The following NXPE2 variants were observed in gnomAD, a reference collection of about 807,000 sequenced individuals.
The protein encoded by NXPE2 is neurexophilin and PC-esterase domain family member 2, also known as NXPE family member 2.
A neutral mutation model predicts 34.4 loss-of-function variants in NXPE2; 34 were observed. The ratio of observed to expected loss-of-function variants is 0.99; its 90% CI spans 0.75 to 1.31. NXPE2 has a LOEUF of 1.31. NXPE2 is among the 40% of genes most tolerant of loss of function. The pLI, the probability that NXPE2 is intolerant of heterozygous loss-of-function variation, is 0.00. For synonymous variants in NXPE2, 235 were observed against 231.3 expected, an observed-to-expected ratio of 1.02 and a Z score of -0.15; for missense variants, 649 against 672.5, an observed-to-expected ratio of 0.97 and a Z score of 0.39.
At chr11:114,502,972 G>C in the NXPE2 span, among the ~76,000 whole-genome samples, 1 of 152,196 alleles carries the variant, frequency 6.6e-6, no homozygotes. Context: ...AGTCACAGTG[G>C]AGAAATGTGT....
At chr11:114,527,570 CACAGTGCCTAAG>C in the NXPE2 span, among the ~76,000 whole-genome samples, 127 of 152,300 alleles carry the variant, frequency 8.3e-4, no homozygotes, top group African/African-American at 2.9e-3. Context: ...AAGACATTTG[CACAGTGCCTAAG>C]ACTCTAGGAG....
At chr11:114,530,867 C>T in the NXPE2 span, 1 of 1,613,258 alleles carries the variant, frequency 6.2e-7, no homozygotes, top group East Asian at 2.2e-5. Flanking sequence ...CGGAGTTGTT[C>T]CAGTAATGGA....
At chr11:114,773,156 T>C in the NXPE2 span, among the ~76,000 whole-genome samples, 74 of 152,178 alleles carry the variant, frequency 4.9e-4, no homozygotes, top group African/African-American at 1.7e-3. Flanking sequence ...AGCATGCTCC[T>C]ACCAAAGAGG....
the NXPE2 span, among the ~76,000 whole-genome samples, chr11:114,487,500 C>T: frequency 0.13 from 20,496 of 152,104 alleles, 1,525 homozygotes; most frequent in South Asian, 0.23. Flanking sequence ...AGTTTGGATG[C>T]CTTTTATTTG....
chr11:114,728,722 G>T, the NXPE2 span, among the ~76,000 whole-genome samples: 1 of 152,020 alleles, frequency 6.6e-6, no homozygotes, highest in South Asian at 2.1e-4. Context: ...CTCTGCCTTT[G>T]TATATAAAAA....
the NXPE2 span, among the ~76,000 whole-genome samples, chr11:114,645,047 A>G: frequency 1.6e-4 from 24 of 152,132 alleles, 1 homozygote; most frequent in African/African-American, 4.3e-4. Flanking sequence ...TATGCCTGTA[A>G]TCTCAGCACT....
chr11:114,680,422 A>G (rs1619235), intron 2 of NXPE2, among the ~76,000 whole-genome samples: 48,695 of 151,928 alleles, frequency 0.32, 8,128 homozygotes, highest in East Asian at 0.41. Context: ...AACAAGAAGC[A>G]CCACAGTCTA....
chr11:114,480,376 T>C, the NXPE2 span, among the ~76,000 whole-genome samples: 1 of 152,220 alleles, frequency 6.6e-6, no homozygotes, highest in Admixed American at 6.5e-5. Context: ...GATTTCTTTC[T>C]AGGATAGATA....
At chr11:114,542,979 G>A in the NXPE2 span, among the ~76,000 whole-genome samples, 6 of 152,172 alleles carry the variant, frequency 3.9e-5, no homozygotes, top group East Asian at 9.6e-4. Context: ...TTCAGGTCAG[G>A]TAAAGTGGCT....
chr11:114,498,665 A>G, the NXPE2 span, among the ~76,000 whole-genome samples: 3,010 of 152,110 alleles, frequency 0.02, 99 homozygotes, highest in African/African-American at 0.067. Context: ...ATTTTCAGGC[A>G]GCTTTTGTAT....
chr11:114,602,468 A>G, the NXPE2 span, among the ~76,000 whole-genome samples: 6 of 135,566 alleles, frequency 4.4e-5, no homozygotes, highest in African/African-American at 1.1e-4. Context: ...TAATATATAA[A>G]TTATAGATTA....
At chr11:114,604,518 T>C in the NXPE2 span, among the ~76,000 whole-genome samples, 1 of 152,058 alleles carries the variant, frequency 6.6e-6, no homozygotes, top group South Asian at 2.1e-4. Context: ...GTAACCACTG[T>C]TACCTGGTAA....
At chr11:114,702,597 A>C (rs1451306562) in intron 3 of NXPE2, among the ~76,000 whole-genome samples, 1 of 152,218 alleles carries the variant, frequency 6.6e-6, no homozygotes, top group Non-Finnish European at 1.5e-5. Flanking sequence ...TCCTCAGTAA[A>C]ATACTCTGGA....
At chr11:114,716,086 C>T in the NXPE2 span, among the ~76,000 whole-genome samples, 1 of 152,186 alleles carries the variant, frequency 6.6e-6, no homozygotes, top group East Asian at 1.9e-4. Flanking sequence ...TCTATTTCCC[C>T]ACTGTCAAGC....
At chr11:114,471,822 C>A in the NXPE2 span, among the ~76,000 whole-genome samples, 1 of 152,144 alleles carries the variant, frequency 6.6e-6, no homozygotes, top group East Asian at 1.9e-4. Context: ...GGGCATGATG[C>A]CTTTGAGGAA....
At chr11:114,614,604 C>T in the NXPE2 span, among the ~76,000 whole-genome samples, 280 of 151,980 alleles carry the variant, frequency 1.8e-3, 4 homozygotes, top group Non-Finnish European at 3.0e-3. Context: ...AGCGTTGCCT[C>T]GTGGGTAACC....
At chr11:114,765,646 T>A in the NXPE2 span, among the ~76,000 whole-genome samples, 2 of 152,230 alleles carry the variant, frequency 1.3e-5, no homozygotes, top group Non-Finnish European at 2.9e-5. Context: ...CCTTGATCTC[T>A]GCAGTATGGC....
the NXPE2 span, among the ~76,000 whole-genome samples, chr11:114,500,625 T>A: frequency 6.6e-6 from 1 of 152,120 alleles, no homozygotes; most frequent in Non-Finnish European, 1.5e-5. Context: ...TGCAGTTCAT[T>A]TTTATCACTT....
chr11:114,612,555 C>G, the NXPE2 span, among the ~76,000 whole-genome samples: 5 of 152,084 alleles, frequency 3.3e-5, no homozygotes, highest in Admixed American at 1.3e-4. Context: ...AGTGTTGCCT[C>G]ATGGGTAACC....
Sources: allele counts gnomAD v4.1 joint callset (sites outside exome capture counted in the v4.1 genomes callset), GRCh38; gene constraint gnomAD v4.1.1; transcripts MANE v1.5; gene names NCBI Gene and HGNC (gene_info 2026-07-23, HGNC 2026-07-21).